Variants in PIGN observed in about 807,000 individuals in gnomAD.
PIGN encodes the protein GPI ethanolamine phosphate transferase 1.
A neutral mutation model predicts 125.4 loss-of-function variants in PIGN; 117 were observed. The ratio of observed to expected loss-of-function variants is 0.93; its 90% CI spans 0.80 to 1.09. The LOEUF (loss-of-function observed/expected upper bound fraction) is 1.09, where lower values mean the gene tolerates loss of function less well. Among genes scored for constraint, PIGN ranks in the 50% least tolerant of loss-of-function variants. The pLI is 0.00. For missense variants in PIGN, 1,075 were observed against 1,094.9 expected, an observed-to-expected ratio of 0.98 and a Z score of 0.26; for synonymous variants, 392 against 377.8, an observed-to-expected ratio of 1.04 and a Z score of -0.44.
At chr18:62,148,188 T>C (rs751484395) in intron 8 of PIGN, 26 bp downstream of exon 8, 1 of 1,493,700 alleles carries the variant, frequency 6.7e-7, no homozygotes, top group Non-Finnish European at 8.9e-7. Flanking sequence ...CCCTAAAAAA[T>C]ACAATTAAAC....
chr18:62,113,443 G>T (rs935513073), intron 15 of PIGN, 127 bp from the exon 16 acceptor site: 2 of 612,788 alleles, frequency 3.3e-6, no homozygotes, highest in Non-Finnish European at 5.5e-6. Context: ...AACTGTAGAT[G>T]ATGGATTAAG....
At chr18:62,182,149 T>A (rs377135002) in intron 1 of PIGN, among the ~76,000 whole-genome samples, 2 of 152,216 alleles carry the variant, frequency 1.3e-5, no homozygotes, top group Admixed American at 6.5e-5. Context: ...TTGGAGTTAC[T>A]CAAAACTTGG....
chr18:62,074,021 A>G (rs1475067290), intron 29 of PIGN, among the ~76,000 whole-genome samples: 2 of 152,252 alleles, frequency 1.3e-5, no homozygotes, highest in Admixed American at 1.3e-4. Flanking sequence ...AAGCCCCACT[A>G]AAAAGTCTGG....
intron 14 of PIGN, among the ~76,000 whole-genome samples, chr18:62,116,758 A>C (rs879068656): frequency 1.3e-5 from 2 of 152,350 alleles, no homozygotes; most frequent in South Asian, 2.1e-4. Context: ...TAAATTTTGA[A>C]TACAATGCTA....
At chr18:62,145,835 G>A in intron 10 of PIGN, 74 bp downstream of exon 10, 1 of 744,150 alleles carries the variant, frequency 1.3e-6, no homozygotes, top group Non-Finnish European at 2.3e-6. Flanking sequence ...TTTGAAGAGT[G>A]ATTTCTTAAA....
At chr18:62,126,273 T>C (rs957133629) in intron 14 of PIGN, among the ~76,000 whole-genome samples, 1 of 152,164 alleles carries the variant, frequency 6.6e-6, no homozygotes, top group African/African-American at 2.4e-5. Context: ...TAGTGATTAA[T>C]ACATTTTTCT....
intron 30 of PIGN, among the ~76,000 whole-genome samples, chr18:62,065,873 C>T (rs2032489411): frequency 6.6e-6 from 1 of 152,156 alleles, no homozygotes; most frequent in South Asian, 2.1e-4. Flanking sequence ...GCTGAAATCT[C>T]CTCTATTTCA....
At chr18:62,087,082 A>C (rs17713230) in intron 25 of PIGN, among the ~76,000 whole-genome samples, 25,636 of 152,138 alleles carry the variant, frequency 0.17, 2,903 homozygotes, top group Middle Eastern at 0.28. Context: ...TTGGAAAAAC[A>C]CATCTTAGAG....
intron 30 of PIGN, chr18:62,070,317 C>T: frequency 2.5e-6 from 1 of 397,608 alleles, no homozygotes; most frequent in Non-Finnish European, 4.4e-6. Context: ...GATATCTAAA[C>T]TTTCCCTAAA....
chr18:62,100,520 T>G (rs974116827), intron 22 of PIGN, among the ~76,000 whole-genome samples: 1 of 152,202 alleles, frequency 6.6e-6, no homozygotes, highest in Non-Finnish European at 1.5e-5. Context: ...AGCTCAAAAC[T>G]TGCTCTTGTC....
chr18:62,112,780 G>C (rs1189516205), intron 16 of PIGN: 3 of 264,008 alleles, frequency 1.1e-5, no homozygotes, highest in Non-Finnish European at 2.1e-5. Context: ...TAAACATATT[G>C]TTTTGAAGTA....
At chr18:62,107,135 G>A (rs115925144) in intron 17 of PIGN, 50 bp from the exon 18 acceptor site, 10 of 1,129,256 alleles carry the variant, frequency 8.9e-6, no homozygotes, top group Non-Finnish European at 1.3e-5. Flanking sequence ...GTCATACATA[G>A]TATAACAATA....
At chr18:62,153,114 C>T (rs1219705116) in intron 7 of PIGN, among the ~76,000 whole-genome samples, 1 of 152,140 alleles carries the variant, frequency 6.6e-6, no homozygotes, top group Non-Finnish European at 1.5e-5. Context: ...TTACATAATG[C>T]TGTTGGCCTG....
Position 62,157,788 on chromosome 18 carries a change from C to T in PIGN, c.242G>A (p.Gly81Asp), listed in dbSNP as rs1193537271. The change falls in exon 5 of 31, where the codon GGC becomes GAC. Residue 81 changes from glycine to aspartate, a missense_variant. By Grantham distance (94) the Gly-to-Asp change is moderately conservative. Transcript: ENST00000640252. ...ACGTGTATGAGATATGCCCCAGCTG[C>T]CTTCATGCATTATGATATTCCTAAA... The part of the protein sequence containing the change: ...PFIRNIIMHE[G>D]SWGISHTRVP... 6.2e-7 allele frequency: 1 copy of T among 1,611,520 alleles called. No individual in the cohort carries two copies. The highest frequency in any genetic ancestry group is 8.5e-7 in the Non-Finnish European group (1 of 1,178,494).
chr18:62,058,494 T>C (rs2031895104), intron 30 of PIGN, among the ~76,000 whole-genome samples: 1 of 152,232 alleles, frequency 6.6e-6, no homozygotes, highest in Non-Finnish European at 1.5e-5. Context: ...TGGTTATCTC[T>C]GACCTTGCAC....
rs2030369015 is a variant in PIGN, at chr18:62,041,530, CCA to C, written c.*4324_*4325del. ...TTGAGGCAGAGTCTCACTTTGTCGC[CCA>C]GAGTGGCACCATCTCGGCTCATTGC... On this transcript the variant is annotated 3_prime_UTR_variant, in exon 31 of 31. Coordinates refer to ENST00000640252, the MANE Select transcript of PIGN (RefSeq NM_176787.5). 6.6e-6 allele frequency: 1 copy of C among 151,932 alleles called. No homozygotes were observed. Among genetic ancestry groups the C allele is most frequent in the African/African-American group, 2.4e-5 (1 of 41,344 alleles). 9.4% of individuals were successfully genotyped at this position (151,932 alleles called of 1,614,324 possible). A position where few individuals can be genotyped will look rare whatever the true frequency, so the allele number is the denominator to read the frequency against.
chr18:62,142,795 C>G (rs923348316), intron 11 of PIGN, among the ~76,000 whole-genome samples: 4 of 152,218 alleles, frequency 2.6e-5, no homozygotes, highest in African/African-American at 9.6e-5. Context: ...ACTGATCTAA[C>G]TTTATCAGAT....
intron 23 of PIGN, among the ~76,000 whole-genome samples, chr18:62,092,216 C>A (rs563589275): frequency 2.3e-3 from 354 of 152,200 alleles, no homozygotes; most frequent in African/African-American, 7.8e-3. Context: ...CTGTACAAAG[C>A]AGTGCCACTT....
At chr18:62,031,792 G>C (rs963864876) in intron 23 of PIGN, among the ~76,000 whole-genome samples, 3 of 152,132 alleles carry the variant, frequency 2.0e-5, no homozygotes, top group African/African-American at 7.2e-5. Context: ...AACAATCAGA[G>C]AAGTGAAAAA....
Sources: allele counts gnomAD v4.1 joint callset (sites outside exome capture counted in the v4.1 genomes callset), GRCh38; gene constraint gnomAD v4.1.1; transcripts MANE v1.5; gene names NCBI Gene and HGNC (gene_info 2026-07-23, HGNC 2026-07-21).